Variants in XKR9 observed in about 807,000 individuals in gnomAD.
XKR9 encodes XK-related protein 9.
XKR9 carries 32 observed loss-of-function variants against 32.0 expected under a neutral mutation model. That is an observed-to-expected ratio of 1.00 (90% CI 0.76 to 1.34). The LOEUF (loss-of-function observed/expected upper bound fraction) is 1.34. Among genes scored for constraint, XKR9 ranks in the 40% most tolerant of loss-of-function variants. The probability of loss-of-function intolerance (pLI) is 0.00; values close to 1 mark genes in which losing one functional copy is unlikely to be tolerated. For synonymous variants in XKR9, 168 were observed against 143.4 expected, an observed-to-expected ratio of 1.17 and a Z score of -1.22; for missense variants, 546 against 429.7, an observed-to-expected ratio of 1.27 and a Z score of -2.39.
At chr8:71,063,324 C>T in the XKR9 span, among the ~76,000 whole-genome samples, 9 of 152,126 alleles carry the variant, frequency 5.9e-5, no homozygotes, top group East Asian at 9.7e-4. Context: ...ACCATTCACA[C>T]GAGAAGTAAA....
At chr8:70,932,733 A>G in the XKR9 span, among the ~76,000 whole-genome samples, 1 of 152,134 alleles carries the variant, frequency 6.6e-6, no homozygotes, top group Admixed American at 6.6e-5. Context: ...GTGCATTCAC[A>G]ACCCTAGTGC....
the XKR9 span, among the ~76,000 whole-genome samples, chr8:70,815,494 G>A: frequency 5.4e-4 from 66 of 121,892 alleles, no homozygotes; most frequent in African/African-American, 1.9e-3. Context: ...CAAATTACAC[G>A]ATCTCATTCC....
At chr8:70,833,896 A>G in the XKR9 span, among the ~76,000 whole-genome samples, 1 of 152,200 alleles carries the variant, frequency 6.6e-6, no homozygotes, top group Admixed American at 6.5e-5. Context: ...GACTTTGAAC[A>G]CTTTCCTTTA....
chr8:70,672,784 T>C lies in XKR9; in HGVS notation c.-360-2034T>C, dbSNP rs151276335. Reference sequence around the variant, plus strand: ...ACTGGGGTAAGATGATATCTCATTATGGTTTTGATTTGCATTTGCCTGATG... The same window carrying C: ...ACTGGGGTAAGATGATATCTCATTACGGTTTTGATTTGCATTTGCCTGATG... On this transcript the variant is annotated intron_variant, in intron 1 of 4. Transcript: ENST00000408926. 3.3e-5 allele frequency among the ~76,000 whole-genome samples: 5 copies of C among 152,360 alleles called. No individual in the cohort carries two copies. The East Asian group carries it at 9.6e-4, about 29-fold the overall frequency.
chr8:70,810,504 T>TA, the XKR9 span, among the ~76,000 whole-genome samples: 36 of 152,114 alleles, frequency 2.4e-4, no homozygotes, highest in African/African-American at 8.2e-4. Context: ...GCAAATTGGA[T>TA]AAAGAGTCAA....
At chr8:70,680,623 A>C (rs1016091282) in intron 2 of XKR9, among the ~76,000 whole-genome samples, 158 bp from the exon 3 acceptor site, 1 of 152,120 alleles carries the variant, frequency 6.6e-6, no homozygotes, top group South Asian at 2.1e-4. Context: ...ATCAACTATC[A>C]AGTATATTTC....
downstream of XKR9, among the ~76,000 whole-genome samples, chr8:70,791,907 A>G (rs547470301): frequency 6.6e-6 from 1 of 152,206 alleles, no homozygotes; most frequent in Non-Finnish European, 1.5e-5. Context: ...AAACTCTACA[A>G]GAATTTCTAT....
the XKR9 span, among the ~76,000 whole-genome samples, chr8:71,058,843 G>A: frequency 1.3e-5 from 2 of 152,314 alleles, no homozygotes; most frequent in Non-Finnish European, 2.9e-5. Flanking sequence ...AGGTCTTAGA[G>A]CTGCAGAAAA....
At chr8:70,777,660 G>A (rs1371829063) in intron 2 of XKR9, among the ~76,000 whole-genome samples, 3 of 152,186 alleles carry the variant, frequency 2.0e-5, no homozygotes, top group Non-Finnish European at 1.5e-5. Flanking sequence ...TAACTGGCAT[G>A]AGATGGTATC....
At chr8:70,908,033 A>G in the XKR9 span, among the ~76,000 whole-genome samples, 1 of 152,234 alleles carries the variant, frequency 6.6e-6, no homozygotes, top group Admixed American at 6.5e-5. Flanking sequence ...TTATTAAGTT[A>G]ATCTCTGGAG....
chr8:70,933,848 A>T, the XKR9 span, among the ~76,000 whole-genome samples: 1 of 152,094 alleles, frequency 6.6e-6, no homozygotes, highest in Admixed American at 6.6e-5. Flanking sequence ...AGTATCTATT[A>T]GTTATATCAG....
chr8:70,919,128 G>A, the XKR9 span, among the ~76,000 whole-genome samples: 3 of 152,060 alleles, frequency 2.0e-5, no homozygotes, highest in African/African-American at 7.2e-5. Context: ...ACAAGGACTG[G>A]GGCTAGAATC....
the XKR9 span, among the ~76,000 whole-genome samples, chr8:71,063,717 T>C: frequency 6.6e-6 from 1 of 152,244 alleles, no homozygotes; most frequent in Non-Finnish European, 1.5e-5. Flanking sequence ...GCTTTTAATG[T>C]TAGTTGCATG....
chr8:70,775,347 A>G (rs2130240241), intron 2 of XKR9, among the ~76,000 whole-genome samples: 1 of 152,280 alleles, frequency 6.6e-6, no homozygotes, highest in East Asian at 1.9e-4. Flanking sequence ...ACAACCTCAA[A>G]CACAACGTGA....
rs555982918 is a variant in XKR9 at position 70,677,916 on chromosome 8, A to G, written c.-278-2865A>G. On this transcript the variant is annotated intron_variant, in intron 2 of 4. Coordinates refer to ENST00000408926, the MANE Select transcript of XKR9 (RefSeq NM_001011720.2). Reference sequence around the variant, plus strand: ...ATTTTTTTCTTAGTAAAGCTTAAGAAATTATATTTTTAAGAATGATATTAG... The same window carrying G: ...ATTTTTTTCTTAGTAAAGCTTAAGAGATTATATTTTTAAGAATGATATTAG... 4.6e-5 allele frequency: 7 copies of G among 152,340 alleles called. No individual in the cohort carries two copies. In the East Asian group the frequency reaches 1.3e-3, roughly 29 times the overall value. The allele number at this position is 152,340 out of a possible 1,614,324, so 9.4% of individuals were successfully genotyped here.
the XKR9 span, among the ~76,000 whole-genome samples, chr8:70,849,631 G>GAAAT: frequency 3.3e-5 from 5 of 152,054 alleles, no homozygotes; most frequent in African/African-American, 9.7e-5. Context: ...AGAACTGAAG[G>GAAAT]AAATAGAGAC....
At chr8:71,027,539 A>G in the XKR9 span, among the ~76,000 whole-genome samples, 5 of 151,392 alleles carry the variant, frequency 3.3e-5, no homozygotes, top group African/African-American at 1.2e-4. Flanking sequence ...GGAGAGGAAG[A>G]GTCTTGACAA....
At chr8:71,055,618 A>G in the XKR9 span, among the ~76,000 whole-genome samples, 3 of 152,218 alleles carry the variant, frequency 2.0e-5, no homozygotes, top group African/African-American at 4.8e-5. Flanking sequence ...ACTGATTACT[A>G]CTTCCTACAG....
the XKR9 span, among the ~76,000 whole-genome samples, chr8:70,986,084 T>C: frequency 6.6e-6 from 1 of 152,180 alleles, no homozygotes; most frequent in African/African-American, 2.4e-5. Flanking sequence ...ATTCTTTCAT[T>C]TGGCAAAGTT....
Sources: gnomAD v4.1 joint callset for allele counts (sites outside exome capture counted in the v4.1 genomes callset) on GRCh38, gnomAD v4.1.1 for gene constraint, MANE v1.5 for transcripts, NCBI Gene and HGNC (gene_info 2026-07-23, HGNC 2026-07-21) for gene names.